DGKB: variants seen among roughly 807,000 people sequenced by gnomAD.
DGKB encodes diacylglycerol kinase beta, also known as 90 kDa diacylglycerol kinase.
Under a neutral mutation model 114.3 loss-of-function variants are expected in DGKB, and 67 were observed. The ratio of observed to expected loss-of-function variants is 0.59; its 90% CI spans 0.48 to 0.72. The LOEUF (loss-of-function observed/expected upper bound fraction) is 0.72, where lower values mean the gene tolerates loss of function less well. Ranked by LOEUF, DGKB falls within the 30% of genes least tolerant of loss-of-function variation. DGKB has a pLI of 0.00. For synonymous variants in DGKB, 398 were observed against 323.1 expected (o/e 1.23, Z -2.49); for missense variants, 907 against 975.2 (o/e 0.93, Z 0.93).
chr7:14,894,571 T>C (rs1781810251), intron 1 of DGKB, among the ~76,000 whole-genome samples: 1 of 151,586 alleles, frequency 6.6e-6, no homozygotes, highest in African/African-American at 2.4e-5. Flanking sequence ...CCATAAAGAA[T>C]AGCAATATAA....
At chr7:14,638,820 T>A (rs1261271477) in intron 13 of DGKB, among the ~76,000 whole-genome samples, 3 of 152,020 alleles carry the variant, frequency 2.0e-5, no homozygotes, top group Non-Finnish European at 1.5e-5. Flanking sequence ...GGCAAGTGGA[T>A]CATCTGAGGA....
At chr7:14,602,321 G>T (rs1051451772) in intron 17 of DGKB, among the ~76,000 whole-genome samples, 3 of 152,148 alleles carry the variant, frequency 2.0e-5, no homozygotes, top group African/African-American at 7.2e-5. Context: ...AACAAATTAA[G>T]ACTTTGAGAC....
At chr7:14,928,447 T>C (rs1186304511) in intron 1 of DGKB, among the ~76,000 whole-genome samples, 1 of 151,964 alleles carries the variant, frequency 6.6e-6, no homozygotes, top group Non-Finnish European at 1.5e-5. Context: ...CATATTTTTA[T>C]GTTACAGAAT....
chr7:14,918,108 A>T (rs567863522), intron 1 of DGKB, among the ~76,000 whole-genome samples: 7 of 152,160 alleles, frequency 4.6e-5, no homozygotes, highest in Admixed American at 4.6e-4. Context: ...CCCCTATTTG[A>T]TAAAGAATAT....
intron 20 of DGKB, among the ~76,000 whole-genome samples, chr7:14,571,379 A>G (rs1190935450): frequency 6.6e-6 from 1 of 152,202 alleles, no homozygotes; most frequent in Non-Finnish European, 1.5e-5. Context: ...TTGTTTTACA[A>G]CTTACACTTA....
intron 1 of DGKB, among the ~76,000 whole-genome samples, chr7:14,882,961 T>A (rs1854468808): frequency 6.6e-6 from 1 of 151,948 alleles, no homozygotes; most frequent in Admixed American, 6.6e-5. Context: ...TTTGACATAT[T>A]ATTCATTTAT....
intron 2 of DGKB, among the ~76,000 whole-genome samples, chr7:14,804,322 T>A (rs1039263507): frequency 6.6e-6 from 1 of 152,024 alleles, no homozygotes; most frequent in African/African-American, 2.4e-5. Flanking sequence ...TTTTCTCTAG[T>A]CGGTTTTAAG....
rs1002424142 is a variant in DGKB, at chr7:14,232,145, C to G, written c.2123-53994G>C. ...ATATGGGATAAAATGAAGTGAAGATCTAAGAGTAATATAAGAGGATTAAAT... is the reference window on the plus strand; with the variant it reads ...ATATGGGATAAAATGAAGTGAAGATGTAAGAGTAATATAAGAGGATTAAAT... On this transcript the variant is annotated intron_variant, in intron 23 of 25. Transcript: ENST00000402815. Among the ~76,000 whole-genome samples, 7 of 151,770 alleles carry G rather than the reference C, an allele frequency of 4.6e-5. No homozygotes were observed. The East Asian group carries it at 9.7e-4, about 21-fold the overall frequency.
At chr7:14,567,206 A>G (rs1480214352) in intron 20 of DGKB, among the ~76,000 whole-genome samples, 1 of 78,788 alleles carries the variant, frequency 1.3e-5, no homozygotes, top group African/African-American at 5.6e-5. Flanking sequence ...TATTATATAT[A>G]TTATATATTT....
At chr7:14,699,782 T>C (rs1474407427) in intron 7 of DGKB, among the ~76,000 whole-genome samples, 1 of 152,036 alleles carries the variant, frequency 6.6e-6, no homozygotes. Flanking sequence ...TACAAAAAAA[T>C]AGAGACTAGT....
At chr7:14,584,203 A>G (rs780904055) in intron 17 of DGKB, among the ~76,000 whole-genome samples, 3 of 152,176 alleles carry the variant, frequency 2.0e-5, no homozygotes, top group African/African-American at 4.8e-5. Flanking sequence ...TAAGCACTGC[A>G]TCATGTTTTA....
intron 20 of DGKB, among the ~76,000 whole-genome samples, chr7:14,478,762 G>C (rs780335714): frequency 1.3e-5 from 2 of 151,422 alleles, no homozygotes; most frequent in Non-Finnish European, 2.9e-5. Flanking sequence ...ATTAATAACA[G>C]TTTGGACCAC....
intron 1 of DGKB, among the ~76,000 whole-genome samples, chr7:14,973,017 T>A (rs1036803296): frequency 3.3e-5 from 5 of 152,086 alleles, no homozygotes; most frequent in African/African-American, 1.2e-4. Flanking sequence ...TTGGAACAGA[T>A]TTTTTTCATG....
At chr7:14,951,834 A>G (rs1786215588) in intron 1 of DGKB, among the ~76,000 whole-genome samples, 2 of 151,980 alleles carry the variant, frequency 1.3e-5, no homozygotes, top group African/African-American at 4.8e-5. Context: ...AATAAAGTCT[A>G]TTAAAAATAA....
chr7:14,455,313 G>A (rs1190754435), intron 21 of DGKB, among the ~76,000 whole-genome samples: 4 of 151,936 alleles, frequency 2.6e-5, no homozygotes, highest in Admixed American at 2.6e-4. Flanking sequence ...TGTTAAAATT[G>A]TTTTGTAAAA....
chr7:14,276,312 C>T (rs964203355), intron 23 of DGKB, among the ~76,000 whole-genome samples: 2 of 152,146 alleles, frequency 1.3e-5, no homozygotes, highest in African/African-American at 4.8e-5. Context: ...AAGCCAACAT[C>T]TTTTAATAGT....
At chr7:14,631,380 C>T (rs984794521) in intron 13 of DGKB, among the ~76,000 whole-genome samples, 3 of 151,466 alleles carry the variant, frequency 2.0e-5, no homozygotes, top group Non-Finnish European at 4.4e-5. Context: ...TCAAAAGTGA[C>T]ACAGAAGGAG....
intron 21 of DGKB, among the ~76,000 whole-genome samples, chr7:14,467,452 CAAA>C (rs983331946): frequency 6.6e-6 from 1 of 151,046 alleles, no homozygotes; most frequent in Non-Finnish European, 1.5e-5. Context: ...AAGTAACAGA[CAAA>C]TATATGTACG....
chr7:14,513,013 TGGC>T (rs1788216594), intron 20 of DGKB, among the ~76,000 whole-genome samples: 2 of 152,204 alleles, frequency 1.3e-5, no homozygotes, highest in Admixed American at 1.3e-4. Flanking sequence ...AAAGAAGATA[TGGC>T]ATGTAGCCAA....
Sources: gnomAD v4.1 joint callset for allele counts (sites outside exome capture counted in the v4.1 genomes callset) on GRCh38, gnomAD v4.1.1 for gene constraint, MANE v1.5 for transcripts, NCBI Gene and HGNC (gene_info 2026-07-23, HGNC 2026-07-21) for gene names.